The following CORO2A variants were observed in gnomAD, a reference collection of about 807,000 sequenced individuals.
CORO2A encodes the protein coronin-2A.
CORO2A carries 47 observed loss-of-function variants against 62.4 expected under a neutral mutation model. The observed-to-expected ratio is 0.75, with a 90% CI of 0.60 to 0.96. The LOEUF (loss-of-function observed/expected upper bound fraction) is 0.96. CORO2A is among the 40% of genes least tolerant of loss of function. The probability of loss-of-function intolerance (pLI) is 0.00; values close to 1 mark genes in which losing one functional copy is unlikely to be tolerated. For missense variants in CORO2A, 610 were observed against 684.1 expected (o/e 0.89, Z 1.21); for synonymous variants, 273 against 268.9 (o/e 1.02, Z -0.15).
chr9:98,189,811 G>A (rs568482762), intron 1 of CORO2A, among the ~76,000 whole-genome samples: 2 of 152,290 alleles, frequency 1.3e-5, no homozygotes, highest in South Asian at 4.1e-4. Flanking sequence ...TATTTTTTAA[G>A]CTGTATTTGT....
chr9:98,133,280 A>G (rs1004390294), intron 4 of CORO2A, 63 bp from the exon 5 acceptor site: 15 of 1,525,880 alleles, frequency 9.8e-6, no homozygotes, highest in African/African-American at 8.2e-5. Flanking sequence ...TCATAGTTAC[A>G]TGCTGGCCAG....
Position 98,128,179 on chromosome 9 carries a change from T to C in CORO2A, c.1162A>G (p.Met388Val), listed in dbSNP as rs755397566. The part of the protein sequence containing the change: ...SLTAQEWLSG[M>V]NRDPILVSLR... ...TCTCTGCCTTCCTCACCTCGATTCA[T>C]CCCGCTGAGCCACTCCTGGGCCGTC... Residue 388 changes from methionine to valine, a missense_variant, in exon 10 of 12, where the codon ATG (methionine) becomes GTG (valine). By Grantham distance (21) the Met-to-Val change is conservative. Coordinates refer to ENST00000375077, the MANE Select transcript of CORO2A (RefSeq NM_052820.4). The C allele has an allele frequency of 3.1e-6, 5 of 1,612,854 alleles. No individual in the cohort carries two copies. In the South Asian group the frequency reaches 4.4e-5, roughly 14 times the overall value.
At chr9:98,135,586 G>C (rs1368233481) in intron 3 of CORO2A, among the ~76,000 whole-genome samples, 1 of 152,076 alleles carries the variant, frequency 6.6e-6, no homozygotes, top group African/African-American at 2.4e-5. Flanking sequence ...TGAAGATGGA[G>C]GGGGCTGCCA....
At position 98,133,197 on chromosome 9, in the gene CORO2A, A is replaced by G; in HGVS notation, c.489T>C (p.Asp163=). 5 of 1,614,208 alleles carry G rather than the reference A, an allele frequency of 3.1e-6. No individual in the cohort carries two copies. The highest frequency in any genetic ancestry group is 4.2e-6 in the Non-Finnish European group (5 of 1,180,018). The change falls in exon 5 of 12, where the codon GAT becomes GAC. Residue 163 remains aspartate (D), a synonymous_variant. Coordinates refer to ENST00000375077, the MANE Select transcript of CORO2A (RefSeq NM_052820.4). ...YDYKVMIWNL[D]TKESVITSPM... is the part of the protein sequence containing the mutation. ...GGCTTGTGATGACAGACTCCTTTGT[A>G]TCCAGGTTCCAGATCATCACCTGCA...
chr9:98,141,938 A>AG (rs1269400697), intron 2 of CORO2A, among the ~76,000 whole-genome samples: 1 of 145,672 alleles, frequency 6.9e-6, no homozygotes, highest in Non-Finnish European at 1.5e-5. Context: ...GTCAAAACTG[A>AG]GAAAAAAAAA....
intron 1 of CORO2A, among the ~76,000 whole-genome samples, chr9:98,167,919 GA>G (rs1827982928): frequency 1.3e-5 from 2 of 152,226 alleles, no homozygotes; most frequent in Non-Finnish European, 2.9e-5. Context: ...GAGGGTACAA[GA>G]GGATTCATTT....
At chr9:98,167,028 C>A (rs1827970411) in intron 1 of CORO2A, among the ~76,000 whole-genome samples, 1 of 147,448 alleles carries the variant, frequency 6.8e-6, no homozygotes, top group Non-Finnish European at 1.5e-5. Context: ...CACTTGAGCT[C>A]AGGAGTTAGA....
At chr9:98,168,310 A>T (rs767804257) in intron 1 of CORO2A, among the ~76,000 whole-genome samples, 12 of 152,152 alleles carry the variant, frequency 7.9e-5, no homozygotes, top group Non-Finnish European at 1.5e-4. Flanking sequence ...CCTATCTGCC[A>T]CTCTGGGCAA....
At chr9:98,176,689 T>C (rs1176251522) in intron 1 of CORO2A, among the ~76,000 whole-genome samples, 10 of 152,160 alleles carry the variant, frequency 6.6e-5, no homozygotes, top group Admixed American at 6.5e-4. Context: ...TCTTCCAGGT[T>C]ATACTCGAAC....
chr9:98,159,211 A>ACC (rs1827848991), intron 1 of CORO2A, among the ~76,000 whole-genome samples: 1 of 152,038 alleles, frequency 6.6e-6, no homozygotes, highest in Non-Finnish European at 1.5e-5. Flanking sequence ...GGTACATGCC[A>ACC]CCATACCTGG....
intron 10 of CORO2A, among the ~76,000 whole-genome samples, chr9:98,127,402 T>C (rs1214994256): frequency 1.3e-5 from 2 of 152,112 alleles, no homozygotes; most frequent in Non-Finnish European, 2.9e-5. Context: ...CTGGGGTGAC[T>C]GCTTCTGCTG....
chr9:98,174,045 T>C (rs964266204), intron 1 of CORO2A, among the ~76,000 whole-genome samples: 1 of 151,938 alleles, frequency 6.6e-6, no homozygotes, highest in Non-Finnish European at 1.5e-5. Flanking sequence ...AGGTGGAGGT[T>C]GCTGTGAGCC....
intron 2 of CORO2A, among the ~76,000 whole-genome samples, chr9:98,142,875 C>T (rs558749270): frequency 5.3e-4 from 76 of 144,040 alleles, no homozygotes; most frequent in Non-Finnish European, 9.7e-4. Flanking sequence ...CGCTGCCCTG[C>T]GCTGCCCTGC....
chr9:98,176,326 A>G (rs1326969022), intron 1 of CORO2A, among the ~76,000 whole-genome samples: 1 of 152,078 alleles, frequency 6.6e-6, no homozygotes, highest in Admixed American at 6.5e-5. Context: ...CAAATACAAT[A>G]CCCCAGAATT....
At chr9:98,133,276 T>G (rs1827437499) in intron 4 of CORO2A, 59 bp from the exon 5 acceptor site, 1 of 1,545,748 alleles carries the variant, frequency 6.5e-7, no homozygotes, top group Admixed American at 1.7e-5. Context: ...GGCCTCATAG[T>G]TACATGCTGG....
intron 2 of CORO2A, among the ~76,000 whole-genome samples, chr9:98,142,736 C>T (rs993229128): frequency 5.9e-5 from 9 of 152,194 alleles, no homozygotes; most frequent in African/African-American, 2.2e-4. Flanking sequence ...CCCTAGACAG[C>T]TTCTCTTCCT....
At chr9:98,174,637 T>G (rs866257420) in intron 1 of CORO2A, among the ~76,000 whole-genome samples, 3 of 152,088 alleles carry the variant, frequency 2.0e-5, no homozygotes, top group Non-Finnish European at 4.4e-5. Context: ...GTTCTGGTAT[T>G]ACTAAGGGAG....
intron 1 of CORO2A, among the ~76,000 whole-genome samples, chr9:98,162,732 T>A (rs938400037): frequency 1.3e-5 from 2 of 152,226 alleles, no homozygotes; most frequent in African/African-American, 4.8e-5. Context: ...CACGTGTGCA[T>A]CCCTTTGGAT....
In CORO2A at chr9:98,126,830, G is replaced by A. The variant is rs1827328759; in HGVS notation, c.1172-7C>T. ...AGGGACACCAGGATTGGGTCTGGAAGGGAAGCAGAGCCATGTGAGGACGGG... is the reference window on the plus strand; with the variant it reads ...AGGGACACCAGGATTGGGTCTGGAAAGGAAGCAGAGCCATGTGAGGACGGG... On this transcript the variant is annotated splice_region_variant and splice_polypyrimidine_tract_variant and intron_variant, in intron 10 of 11. Transcript: ENST00000375077. 1 of 1,614,136 alleles carries A rather than the reference G, an allele frequency of 6.2e-7. No individual in the cohort carries two copies.
Sources: allele counts gnomAD v4.1 joint callset (sites outside exome capture counted in the v4.1 genomes callset), GRCh38; gene constraint gnomAD v4.1.1; transcripts MANE v1.5; gene names NCBI Gene and HGNC (gene_info 2026-07-23, HGNC 2026-07-21).